The following ADAMTS20 variants were observed in gnomAD, a reference collection of about 807,000 sequenced individuals.
ADAMTS20 encodes the protein ADAM metallopeptidase with thrombospondin type 1 motif 20.
Under a neutral mutation model 260.1 loss-of-function variants are expected in ADAMTS20, and 225 were observed. The observed-to-expected ratio is 0.87, with a 90% CI of 0.78 to 0.97. ADAMTS20 has a LOEUF of 0.97. ADAMTS20 is among the 50% of genes least tolerant of loss of function. The pLI is 0.00. For synonymous variants in ADAMTS20, 802 were observed against 769.5 expected, an observed-to-expected ratio of 1.04 and a Z score of -0.70; for missense variants, 2,400 against 2,337.7, an observed-to-expected ratio of 1.03 and a Z score of -0.55.
At chr12:43,449,480 G>A (rs1410192914) in intron 14 of ADAMTS20, among the ~76,000 whole-genome samples, 1 of 152,002 alleles carries the variant, frequency 6.6e-6, no homozygotes, top group Admixed American at 6.6e-5. Context: ...ACTGGGGCCT[G>A]CTGAGGGTGG....
At chr12:43,357,514 G>A (rs1939770811) in intron 37 of ADAMTS20, among the ~76,000 whole-genome samples, 1 of 152,110 alleles carries the variant, frequency 6.6e-6, no homozygotes, top group Non-Finnish European at 1.5e-5. Flanking sequence ...TATCAATTTA[G>A]TCATTAACTT....
At chr12:43,450,810 T>C (rs1189394838) in intron 14 of ADAMTS20, among the ~76,000 whole-genome samples, 1 of 152,180 alleles carries the variant, frequency 6.6e-6, no homozygotes. Context: ...TATCAATACA[T>C]TAAGGAATGG....
intron 3 of ADAMTS20, among the ~76,000 whole-genome samples, chr12:43,516,124 C>T (rs1279913795): frequency 6.6e-6 from 1 of 151,990 alleles, no homozygotes; most frequent in Non-Finnish European, 1.5e-5. Context: ...GAGATGCTCG[C>T]CACATGAAAC....
At chr12:43,398,035 A>T (rs568026372) in intron 29 of ADAMTS20, among the ~76,000 whole-genome samples, 1 of 152,274 alleles carries the variant, frequency 6.6e-6, no homozygotes, top group East Asian at 1.9e-4. Context: ...TCCCCAATAG[A>T]CATAACTCAA....
chr12:43,509,247 C>A (rs1268148113), intron 3 of ADAMTS20, among the ~76,000 whole-genome samples: 1 of 151,948 alleles, frequency 6.6e-6, no homozygotes, highest in African/African-American at 2.4e-5. Context: ...TAGAATGACA[C>A]AGGGACTCTG....
chr12:43,352,770 T>C (rs765108043), downstream of ADAMTS20, among the ~76,000 whole-genome samples: 17 of 152,158 alleles, frequency 1.1e-4, no homozygotes, highest in Non-Finnish European at 2.2e-4. Flanking sequence ...TGCTAATGAA[T>C]CATAAAAATA....
At chr12:43,466,830 A>G in intron 8 of ADAMTS20, 35 bp from the exon 9 acceptor site, 1 of 1,472,042 alleles carries the variant, frequency 6.8e-7, no homozygotes, top group Non-Finnish European at 9.4e-7. Context: ...AAGGAATATC[A>G]AAAGATGCTT....
At chr12:43,436,250 G>A (rs1032232412) in intron 18 of ADAMTS20, among the ~76,000 whole-genome samples, 4 of 152,144 alleles carry the variant, frequency 2.6e-5, no homozygotes, top group Admixed American at 2.6e-4. Context: ...GCCCAGGAAT[G>A]GAAAACACCA....
intron 7 of ADAMTS20, among the ~76,000 whole-genome samples, chr12:43,488,663 G>C (rs1332530772): frequency 1.3e-5 from 2 of 152,256 alleles, no homozygotes; most frequent in Non-Finnish European, 2.9e-5. Context: ...GCAGCACATT[G>C]TGCTTGGCTT....
chr12:43,463,050 ACTGGTTCAATT>A, intron 10 of ADAMTS20, 51 bp from the exon 11 acceptor site: 1 of 1,268,864 alleles, frequency 7.9e-7, no homozygotes, highest in Non-Finnish European at 1.1e-6. Flanking sequence ...ACACCACAAC[ACTGGTTCAATT>A]CAGTATTACA....
chr12:43,383,490 G>T (rs1358536462), intron 31 of ADAMTS20, 68 bp downstream of exon 31: 1 of 1,470,582 alleles, frequency 6.8e-7, no homozygotes, highest in Non-Finnish European at 9.1e-7. Context: ...AGTTTCAGCT[G>T]TGTCAAATTG....
chr12:43,456,209 A>G (rs369651390), intron 11 of ADAMTS20, among the ~76,000 whole-genome samples: 5 of 152,326 alleles, frequency 3.3e-5, no homozygotes, highest in Admixed American at 2.0e-4. Flanking sequence ...ATAATCAGAA[A>G]TTTTAAAAAA....
At chr12:43,404,774 T>C (rs570497974) in intron 28 of ADAMTS20, among the ~76,000 whole-genome samples, 148 of 152,266 alleles carry the variant, frequency 9.7e-4, no homozygotes, top group African/African-American at 3.2e-3. Context: ...ATATCAACTG[T>C]AAGTTTTATG....
Position 43,432,366 on chromosome 12 carries a change from C to T in ADAMTS20, c.3034G>A (p.Val1012Met), listed in dbSNP as rs1200196545. Residue 1012 changes from valine to methionine, a missense_variant, in exon 21 of 39, where the codon GTG (valine) becomes ATG (methionine). Transcript: ENST00000389420. ...AATTCATTGCAATTCTCTCTCGTCA[C>T]TCGGGACAGTTCTTGGCATTCATTG... ...ADNECQELSR[V>M]TRENCNEFSC... is the part of the protein sequence containing the mutation. 6.2e-7 allele frequency: 1 copy of T among 1,613,858 alleles called. No individual in the cohort carries two copies. Among genetic ancestry groups the T allele is most frequent in the African/African-American group, 1.3e-5 (1 of 75,000 alleles).
Position 43,436,861 on chromosome 12 carries a change from G to T in ADAMTS20, c.2594-2490C>A, listed in dbSNP as rs188099149. ...AGATGAGAGAATTCCTCTCTTGCAG[G>T]ACCGTTTAACTCAAGAAAAAAGATC... is the stretch of plus-strand genomic sequence containing the variant. On this transcript the variant is annotated intron_variant, in intron 18 of 38. Transcript: ENST00000389420. Among the ~76,000 whole-genome samples the T allele has an allele frequency of 1.2e-3, 189 of 152,236 alleles. 1 individual carries two copies. The highest frequency in any genetic ancestry group is 4.3e-3 in the African/African-American group (178 of 41,532).
Position 43,432,345 on chromosome 12 carries a change from C to A in ADAMTS20, c.3055G>T (p.Glu1019Ter). 6.2e-7 allele frequency: 1 copy of A among 1,613,906 alleles called. No homozygotes were observed. The highest frequency in any genetic ancestry group is 8.5e-7 in the Non-Finnish European group (1 of 1,179,852). ...GCAGCCCAACTGGGACAGGAAAATT[C>A]ATTGCAATTCTCTCTCGTCACTCGG... is the stretch of plus-strand genomic sequence containing the variant. ...LSRVTRENCNEFSCPSWAASE... is the reference protein window; with the variant it reads ...LSRVTRENCN The change falls in exon 21 of 39, where the codon GAA becomes TAA. Residue 1019 changes from glutamate (E) to a stop codon, truncating the protein, a stop_gained. Transcript: ENST00000389420. LOFTEE classifies it high-confidence loss of function.
At chr12:43,542,695 T>C (rs1943392606) in intron 2 of ADAMTS20, among the ~76,000 whole-genome samples, 1 of 152,196 alleles carries the variant, frequency 6.6e-6, no homozygotes. Flanking sequence ...ATAAATGCCT[T>C]TTAGGCTTTG....
chr12:43,372,738 C>T (rs554939270), intron 36 of ADAMTS20, among the ~76,000 whole-genome samples: 2 of 152,130 alleles, frequency 1.3e-5, no homozygotes, highest in Non-Finnish European at 2.9e-5. Flanking sequence ...GGACAAGGAG[C>T]AGGATTTGCC....
At chr12:43,398,905 AAC>A (rs1260164601) in intron 29 of ADAMTS20, among the ~76,000 whole-genome samples, 159 bp downstream of exon 29, 1 of 152,164 alleles carries the variant, frequency 6.6e-6, no homozygotes, top group Non-Finnish European at 1.5e-5. Flanking sequence ...GAAATGTGTT[AAC>A]ACTGTTTAGT....
Sources: allele counts gnomAD v4.1 joint callset (sites outside exome capture counted in the v4.1 genomes callset), GRCh38; gene constraint gnomAD v4.1.1; transcripts MANE v1.5; gene names NCBI Gene and HGNC (gene_info 2026-07-23, HGNC 2026-07-21).